Variants in ADCK1 observed in about 807,000 individuals in gnomAD.
ADCK1 encodes aarF domain containing kinase 1, also known as aarF domain-containing protein kinase 1.
A neutral mutation model predicts 52.3 loss-of-function variants in ADCK1; 41 were observed. The ratio of observed to expected loss-of-function variants is 0.78; its 90% CI spans 0.61 to 1.02. The LOEUF is 1.02. Ranked by LOEUF, ADCK1 falls within the 50% of genes least tolerant of loss-of-function variation. The probability of loss-of-function intolerance (pLI) is 0.00; values close to 1 mark genes in which losing one functional copy is unlikely to be tolerated. For missense variants in ADCK1, 658 were observed against 679.5 expected (o/e 0.97, Z 0.35); for synonymous variants, 250 against 274.6 (o/e 0.91, Z 0.89).
chr14:77,814,079 TTTAAA>T (rs1176533323), intron 1 of ADCK1, among the ~76,000 whole-genome samples: 6 of 150,604 alleles, frequency 4.0e-5, no homozygotes, highest in Non-Finnish European at 8.9e-5. Flanking sequence ...TATTTTTTTT[TTTAAA>T]TTTTATTTTT....
chr14:77,832,659 G>A (rs115440032), intron 3 of ADCK1, among the ~76,000 whole-genome samples: 1,916 of 152,298 alleles, frequency 0.013, 38 homozygotes, highest in African/African-American at 0.044. Context: ...CAAATATTTA[G>A]CATTCTCCTA....
chr14:77,933,026 C>A (rs1370586469), intron 10 of ADCK1, among the ~76,000 whole-genome samples, 194 bp from the exon 11 acceptor site: 1 of 152,288 alleles, frequency 6.6e-6, no homozygotes, highest in South Asian at 2.1e-4. Context: ...TGAAAAACTC[C>A]TTTGAAATAT....
chr14:77,801,811 G>A (rs188590844), intron 1 of ADCK1, among the ~76,000 whole-genome samples: 65 of 152,214 alleles, frequency 4.3e-4, no homozygotes, highest in Non-Finnish European at 7.6e-4. Flanking sequence ...GCGTAGTGGT[G>A]TGTGCCTGTA....
intron 1 of ADCK1, among the ~76,000 whole-genome samples, chr14:77,806,607 C>T (rs2081230091): frequency 6.6e-6 from 1 of 152,156 alleles, no homozygotes; most frequent in Admixed American, 6.5e-5. Context: ...GCTGGACAGC[C>T]TAATGCCTGT....
At chr14:77,853,244 C>T (rs8008106) in intron 3 of ADCK1, among the ~76,000 whole-genome samples, 4,836 of 151,988 alleles carry the variant, frequency 0.032, 146 homozygotes, top group South Asian at 0.12. Flanking sequence ...CTCTGCCTCC[C>T]AAGTAGCTGG....
chr14:77,892,295 C>T (rs2083298033), intron 5 of ADCK1, among the ~76,000 whole-genome samples: 1 of 152,200 alleles, frequency 6.6e-6, no homozygotes, highest in Admixed American at 6.5e-5. Context: ...TGATAGAGGT[C>T]TACAGGGGTG....
chr14:77,820,797 C>A (rs1025092925), intron 2 of ADCK1, among the ~76,000 whole-genome samples: 1 of 151,444 alleles, frequency 6.6e-6, no homozygotes, highest in Non-Finnish European at 1.5e-5. Context: ...CTTGCTCTGT[C>A]ATCCAGGCTG....
intron 1 of ADCK1, among the ~76,000 whole-genome samples, chr14:77,815,806 C>T (rs1308398886): frequency 6.8e-6 from 1 of 147,052 alleles, no homozygotes; most frequent in East Asian, 2.0e-4. Context: ...TGTGAGCCAC[C>T]GCACCTGGCT....
chr14:77,856,938 G>T (rs1350206976), intron 3 of ADCK1, among the ~76,000 whole-genome samples: 1 of 151,758 alleles, frequency 6.6e-6, no homozygotes, highest in African/African-American at 2.4e-5. Context: ...GGAGATGGAG[G>T]TTGCAGTGAG....
chr14:77,803,825 A>G (rs561482777), intron 1 of ADCK1, among the ~76,000 whole-genome samples: 1 of 152,210 alleles, frequency 6.6e-6, no homozygotes, highest in Non-Finnish European at 1.5e-5. Context: ...TAAGGACTTT[A>G]GTGAACAGGA....
intron 1 of ADCK1, among the ~76,000 whole-genome samples, chr14:77,807,441 A>G (rs111831241): frequency 0.11 from 16,183 of 151,014 alleles, 1,043 homozygotes; most frequent in African/African-American, 0.17. Flanking sequence ...TCCCAGGTTC[A>G]AGTGATTCTC....
intron 1 of ADCK1, among the ~76,000 whole-genome samples, chr14:77,805,987 CTTTTTTTTTT>C (rs530925697): frequency 0.013 from 1,116 of 87,722 alleles, 22 homozygotes; most frequent in African/African-American, 0.043. Flanking sequence ...ATTCTTACGG[CTTTTTTTTTT>C]TTTTTTTTTT....
chr14:77,925,919 G>A lies in ADCK1; in HGVS notation c.1164G>A (p.Ser388=), dbSNP rs371018987. ...ACMLTARSWD[S]VNRGISQAPV... is the part of the protein sequence containing the mutation. ...TGCTGACGGCGCGATCGTGGGACTC[G>A]GTCAACAGAGGCATCAGCCAAGCTC... Residue 388 remains serine, a synonymous_variant, in exon 9 of 11, where the codon TCG becomes TCA. Coordinates refer to ENST00000238561, the MANE Select transcript of ADCK1 (RefSeq NM_020421.4). The A allele has an allele frequency of 5.6e-6, 9 of 1,614,070 alleles. No individual in the cohort carries two copies. Among genetic ancestry groups the A allele is most frequent in the Admixed American group, 5.0e-5 (3 of 60,000 alleles).
In ADCK1 at chr14:77,840,471, C is replaced by G. The variant is rs568164821; in HGVS notation, c.219+17953C>G. The stretch of plus-strand genomic sequence containing the variant: ...CTCCCTGGCTCTCTTCTGCCTTTCT[C>G]TGCCACTTATAAAAGCCATGGTGAT... On this transcript the variant is annotated intron_variant, in intron 3 of 10. Coordinates refer to ENST00000238561, the MANE Select transcript of ADCK1 (RefSeq NM_020421.4). Among the ~76,000 whole-genome samples the G allele has an allele frequency of 2.0e-5, 3 of 152,236 alleles. No individual in the cohort carries two copies. The East Asian group carries it at 5.8e-4, about 29-fold the overall frequency.
intron 4 of ADCK1, among the ~76,000 whole-genome samples, chr14:77,885,139 C>T (rs1441635607): frequency 6.6e-6 from 1 of 152,190 alleles, no homozygotes; most frequent in African/African-American, 2.4e-5. Flanking sequence ...AATCTTTGCC[C>T]ACTTGGAGCT....
chr14:77,800,489 G>A (rs1318118326), intron 1 of ADCK1, among the ~76,000 whole-genome samples: 1 of 152,272 alleles, frequency 6.6e-6, no homozygotes, highest in African/African-American at 2.4e-5. Flanking sequence ...CGAGTGGGCA[G>A]AGCTGGAGGA....
intron 3 of ADCK1, among the ~76,000 whole-genome samples, chr14:77,842,818 G>A: frequency 6.6e-6 from 1 of 151,800 alleles, no homozygotes; most frequent in East Asian, 1.9e-4. Context: ...CCAAAGTGCT[G>A]GGTTTACAGG....
chr14:77,816,670 G>T (rs371625978), intron 1 of ADCK1, among the ~76,000 whole-genome samples: 3 of 150,852 alleles, frequency 2.0e-5, no homozygotes, highest in African/African-American at 7.4e-5. Context: ...GCCAGCAAAC[G>T]TAAGTGTGTA....
At chr14:77,910,633 A>G (rs543813746) in intron 7 of ADCK1, among the ~76,000 whole-genome samples, 1 of 152,304 alleles carries the variant, frequency 6.6e-6, no homozygotes, top group South Asian at 2.1e-4. Context: ...AAGTCCATTA[A>G]TCTCTTTGGA....
Sources: allele counts gnomAD v4.1 joint callset (sites outside exome capture counted in the v4.1 genomes callset), GRCh38; gene constraint gnomAD v4.1.1; transcripts MANE v1.5; gene names NCBI Gene and HGNC (gene_info 2026-07-23, HGNC 2026-07-21).